The following OR10J1 variants were observed in gnomAD, a reference collection of about 807,000 sequenced individuals.
OR10J1 encodes the protein olfactory receptor family 10 subfamily J member 1.
For synonymous variants in OR10J1, 202 were observed against 143.8 expected (o/e 1.40, Z -2.89); for missense variants, 474 against 376.6 (o/e 1.26, Z -2.14).
chr1:159,419,056 G>T, the OR10J1 span, among the ~76,000 whole-genome samples: 1 of 152,208 alleles, frequency 6.6e-6, no homozygotes, highest in Non-Finnish European at 1.5e-5. Flanking sequence ...TACCTAGGAA[G>T]TAACTAACTT....
the OR10J1 span, among the ~76,000 whole-genome samples, chr1:159,412,182 A>C: frequency 6.6e-6 from 1 of 152,188 alleles, no homozygotes; most frequent in East Asian, 1.9e-4. Flanking sequence ...TCAGTGAAAT[A>C]AAAGAGGATA....
chr1:159,399,834 A>G, the OR10J1 span, among the ~76,000 whole-genome samples: 1 of 152,108 alleles, frequency 6.6e-6, no homozygotes, highest in African/African-American at 2.4e-5. Context: ...TCAGTACAAT[A>G]AGATATAAAT....
the OR10J1 span, among the ~76,000 whole-genome samples, chr1:159,414,986 T>A: frequency 1.3e-5 from 2 of 152,150 alleles, no homozygotes; most frequent in African/African-American, 4.8e-5. Flanking sequence ...CCTTGTGGGA[T>A]GAATAGTTTG....
chr1:159,407,795 A>G, the OR10J1 span, among the ~76,000 whole-genome samples: 5 of 152,090 alleles, frequency 3.3e-5, no homozygotes, highest in African/African-American at 1.2e-4. Context: ...TTCCCATACT[A>G]TGTGTCAAGG....
chr1:159,415,188 A>T, the OR10J1 span, among the ~76,000 whole-genome samples: 2 of 151,846 alleles, frequency 1.3e-5, no homozygotes, highest in African/African-American at 4.8e-5. Context: ...TCTTCTAGTT[A>T]TTTCATAGTT....
chr1:159,399,656 A>G, the OR10J1 span, among the ~76,000 whole-genome samples: 1 of 152,160 alleles, frequency 6.6e-6, no homozygotes, highest in South Asian at 2.1e-4. Flanking sequence ...AGCAATAAAT[A>G]ATCACCTGAA....
the OR10J1 span, among the ~76,000 whole-genome samples, chr1:159,431,832 A>C: frequency 1.3e-5 from 2 of 152,170 alleles, no homozygotes; most frequent in African/African-American, 4.8e-5. Flanking sequence ...AATACATTTA[A>C]GGTAGGCTAG....
chr1:159,415,709 A>G, the OR10J1 span, among the ~76,000 whole-genome samples: 3 of 152,080 alleles, frequency 2.0e-5, no homozygotes, highest in African/African-American at 7.2e-5. Context: ...TTTAAACGAT[A>G]TGACTAATAT....
chr1:159,433,524 A>G (rs975327102), upstream of OR10J1, among the ~76,000 whole-genome samples: 5 of 152,178 alleles, frequency 3.3e-5, no homozygotes, highest in African/African-American at 9.7e-5. Context: ...TTCATGAATG[A>G]CACAAAGGGT....
chr1:159,440,916 G>A lies in OR10J1; in HGVS notation c.*195G>A. The A allele has an allele frequency of 1.8e-6, 1 of 546,752 alleles. No individual in the cohort carries two copies. Among genetic ancestry groups the A allele is most frequent in the Non-Finnish European group, 3.1e-6 (1 of 324,008 alleles). 33.9% of individuals were successfully genotyped at this position (546,752 alleles called of 1,614,324 possible). A position where few individuals can be genotyped will look rare whatever the true frequency, so the allele number is the denominator to read the frequency against. On this transcript the variant is annotated 3_prime_UTR_variant, in exon 1 of 1. Coordinates refer to ENST00000423932, the MANE Select transcript of OR10J1 (RefSeq NM_012351.3). ...ATGGAGTGTTATCCCTATTTTTGGGGATAAATAGACAAACAAGGATAAGAT... is the reference window on the plus strand; with the variant it reads ...ATGGAGTGTTATCCCTATTTTTGGGAATAAATAGACAAACAAGGATAAGAT...
the OR10J1 span, chr1:159,432,700 G>A: frequency 4.9e-6 from 2 of 407,300 alleles, no homozygotes; most frequent in Admixed American, 8.7e-5. Context: ...TCTGTATTCA[G>A]CCTTCCCTTC....
the OR10J1 span, among the ~76,000 whole-genome samples, chr1:159,427,735 G>A: frequency 4.7e-4 from 71 of 152,176 alleles, no homozygotes; most frequent in East Asian, 0.014. Context: ...AGCATTTAAA[G>A]AGGCTGCTAA....
the OR10J1 span, among the ~76,000 whole-genome samples, chr1:159,426,041 T>C: frequency 1.3e-5 from 2 of 151,942 alleles, no homozygotes; most frequent in Non-Finnish European, 2.9e-5. Flanking sequence ...GGATGAATGC[T>C]GGAGAAATAG....
the OR10J1 span, among the ~76,000 whole-genome samples, chr1:159,397,547 A>G: frequency 1.3e-5 from 2 of 152,054 alleles, no homozygotes; most frequent in Admixed American, 1.3e-4. Flanking sequence ...CCCAGGCTAG[A>G]CAACATTCAC....
Position 159,440,265 on chromosome 1 carries a change from G to T in OR10J1, c.474G>T (p.Thr158=), listed in dbSNP as rs149860482. The stretch of plus-strand genomic sequence containing the variant: ...GCATTGGGCTGATTGTAGCAATAAC[G>T]CAAGTGACATCTGTATTCAGGTTAC... ...ACSIGLIVAI[T]QVTSVFRLPF... The change falls in exon 1 of 1, where the codon ACG becomes ACT. Residue 158 remains threonine (T), a synonymous_variant. Transcript: ENST00000423932. 6.8e-6 allele frequency: 11 copies of T among 1,614,082 alleles called. No homozygotes were observed. Among genetic ancestry groups the T allele is most frequent in the Non-Finnish European group, 9.3e-6 (11 of 1,180,008 alleles).
At chr1:159,434,020 G>A (rs1655664712), upstream of OR10J1, among the ~76,000 whole-genome samples, 1 of 151,988 alleles carries the variant, frequency 6.6e-6, no homozygotes, top group Non-Finnish European at 1.5e-5. Flanking sequence ...CCCTCTTTGT[G>A]ACATCTCCTT....
chr1:159,414,003 A>T, the OR10J1 span, among the ~76,000 whole-genome samples: 2 of 151,902 alleles, frequency 1.3e-5, no homozygotes, highest in African/African-American at 4.8e-5. Context: ...GGTACATGTG[A>T]GTATTTGTTA....
chr1:159,411,751 C>A, the OR10J1 span, among the ~76,000 whole-genome samples: 1 of 152,052 alleles, frequency 6.6e-6, no homozygotes, highest in Non-Finnish European at 1.5e-5. Flanking sequence ...GTGATGTTAG[C>A]TGGTTATTTT....
chr1:159,440,244 T>A lies in OR10J1; in HGVS notation c.453T>A (p.Ile151=). 6.2e-7 allele frequency: 1 copy of A among 1,614,168 alleles called. No individual in the cohort carries two copies. The highest frequency in any genetic ancestry group is 8.5e-7 in the Non-Finnish European group (1 of 1,180,012). The change falls in exon 1 of 1, where the codon ATT becomes ATA. Residue 151 remains isoleucine, a synonymous_variant. Coordinates refer to ENST00000423932, the MANE Select transcript of OR10J1 (RefSeq NM_012351.3). ...AACTTGTCCTGGGGGCCTGCAGCAT[T>A]GGGCTGATTGTAGCAATAACGCAAG... ...RIQLVLGACS[I]GLIVAITQVT... is the part of the protein sequence containing the mutation.
Sources: gnomAD v4.1 joint callset for allele counts (sites outside exome capture counted in the v4.1 genomes callset) on GRCh38, gnomAD v4.1.1 for gene constraint, MANE v1.5 for transcripts, NCBI Gene and HGNC (gene_info 2026-07-23, HGNC 2026-07-21) for gene names.